ZNF28: variants seen among roughly 807,000 people sequenced by gnomAD.
ZNF28 encodes zinc finger protein 28.
ZNF28 carries 5 observed loss-of-function variants against 7.2 expected under a neutral mutation model. The ratio of observed to expected loss-of-function variants is 0.70; its 90% CI spans 0.36 to 1.46. The LOEUF is 1.46. Among genes scored for constraint, ZNF28 ranks in the 40% most tolerant of loss-of-function variants. The pLI, the probability that ZNF28 is intolerant of heterozygous loss-of-function variation, is 0.03. For synonymous variants in ZNF28, 288 were observed against 292.4 expected, an observed-to-expected ratio of 0.99 and a Z score of 0.15; for missense variants, 879 against 866.6, an observed-to-expected ratio of 1.01 and a Z score of -0.18.
chr19:52,799,448 T>A lies in ZNF28; in HGVS notation c.*240A>T. The A allele has an allele frequency of 2.5e-6, 2 of 799,384 alleles. No homozygotes were observed. The highest frequency in any genetic ancestry group is 4.1e-6 in the Non-Finnish European group (2 of 486,194). 49.5% of individuals were successfully genotyped at this position (799,384 alleles called of 1,614,324 possible). On this transcript the variant is annotated 3_prime_UTR_variant, in exon 4 of 4. Transcript: ENST00000457749. ...ATTCTTCCTATTTGTAAAGTTTCTC[T>A]GCAGTATGAATTCTATGATGACGTG...
intron 2 of ZNF28, among the ~76,000 whole-genome samples, chr19:52,813,485 G>A (rs2063082588): frequency 1.6e-5 from 2 of 121,234 alleles, no homozygotes; most frequent in Non-Finnish European, 3.3e-5. Context: ...GGCGGGGGTG[G>A]TAGGAGGTTT....
chr19:52,812,787 A>AAAAAAG (rs1462866089), intron 2 of ZNF28, among the ~76,000 whole-genome samples: 40 of 131,034 alleles, frequency 3.1e-4, no homozygotes, highest in African/African-American at 1.0e-3. Flanking sequence ...AAAAAAAAAA[A>AAAAAAG]GTTTTAAGTG....
chr19:52,814,039 A>C (rs1307317704), intron 2 of ZNF28, among the ~76,000 whole-genome samples: 1 of 146,426 alleles, frequency 6.8e-6, no homozygotes, highest in Non-Finnish European at 1.5e-5. Flanking sequence ...AAAAAAGAAA[A>C]AACTTTTTTA....
In ZNF28 at chr19:52,816,481, G is replaced by A. The variant is rs551491649; in HGVS notation, c.15+1463C>T. Among the ~76,000 whole-genome samples, 5 of 145,310 alleles carry A rather than the reference G, an allele frequency of 3.4e-5. 1 individual carries two copies. Among genetic ancestry groups the A allele is most frequent in the East Asian group, 2.0e-4 (1 of 4,938 alleles). ...AGATTGAGACCATCCTGGCTAACAC[G>A]GTGAAACCCCGTCTCTACTAAAAAC... On this transcript the variant is annotated intron_variant, in intron 2 of 3. Coordinates refer to ENST00000457749, the MANE Select transcript of ZNF28 (RefSeq NM_006969.5).
At chr19:52,802,853 C>T (rs1052424943) in intron 3 of ZNF28, among the ~76,000 whole-genome samples, 22 of 150,232 alleles carry the variant, frequency 1.5e-4, no homozygotes, top group Middle Eastern at 3.4e-3. Context: ...CTCCACCTCC[C>T]GGGTTCACGC....
At position 52,799,561 on chromosome 19, in the gene ZNF28, G is replaced by C; in HGVS notation, c.*127C>G. 6.6e-7 allele frequency: 1 copy of C among 1,505,972 alleles called. No individual in the cohort carries two copies. Among genetic ancestry groups the C allele is most frequent in the Admixed American group, 1.8e-5 (1 of 56,942 alleles). The allele number at this position is 1,505,972 out of a possible 1,614,324, so 93.3% of individuals were successfully genotyped here. ...GTATGAATGGCTTTGTGACTTACAA[G>C]GGTTGAATTGTGATGGAAGGTGTTG... On this transcript the variant is annotated 3_prime_UTR_variant, in exon 4 of 4. Transcript: ENST00000457749.
chr19:52,809,999 G>A (rs923351862), intron 2 of ZNF28: 2 of 764,468 alleles, frequency 2.6e-6, no homozygotes, highest in Non-Finnish European at 4.6e-6. Flanking sequence ...TGGAGCCTGA[G>A]GAGCTGCTGT....
chr19:52,815,794 C>T (rs1448937699), intron 2 of ZNF28, among the ~76,000 whole-genome samples: 3 of 146,128 alleles, frequency 2.1e-5, no homozygotes, highest in Non-Finnish European at 3.0e-5. Context: ...CACTGCACTC[C>T]AGCCTGGGCG....
chr19:52,818,057 T>C, intron 1 of ZNF28, 26 bp from the exon 2 acceptor site: 4 of 1,576,004 alleles, frequency 2.5e-6, no homozygotes, highest in Non-Finnish European at 3.5e-6. Flanking sequence ...ATGTTGTTTA[T>C]TGCTCAGAAT....
At chr19:52,815,100 T>TA (rs1175616363) in intron 2 of ZNF28, among the ~76,000 whole-genome samples, 1 of 79,582 alleles carries the variant, frequency 1.3e-5, no homozygotes, top group East Asian at 2.1e-4. Context: ...TATATATATA[T>TA]TTATATATAT....
intron 1 of ZNF28, among the ~76,000 whole-genome samples, chr19:52,820,238 C>G (rs1002404168): frequency 2.2e-5 from 3 of 138,258 alleles, no homozygotes; most frequent in African/African-American, 9.1e-5. Flanking sequence ...CTGCCTCAGC[C>G]TCCCGAGTAG....
intron 2 of ZNF28, chr19:52,809,946 G>A: frequency 1.2e-6 from 1 of 834,012 alleles, no homozygotes; most frequent in Non-Finnish European, 2.0e-6. Context: ...GGTTGCCCCG[G>A]GGGGCGCAGG....
intron 2 of ZNF28, among the ~76,000 whole-genome samples, chr19:52,812,478 G>T (rs969380685): frequency 1.6e-5 from 2 of 122,712 alleles, no homozygotes; most frequent in Non-Finnish European, 3.3e-5. Context: ...CCAACCCTGT[G>T]CTCTCTGAAA....
intron 3 of ZNF28, among the ~76,000 whole-genome samples, chr19:52,804,413 C>T (rs1477213238): frequency 8.1e-4 from 123 of 152,256 alleles, no homozygotes; most frequent in Non-Finnish European, 8.8e-4. Flanking sequence ...CTCTGTCTCC[C>T]GGTCTGGAGT....
At chr19:52,804,297 C>T (rs1378093753) in intron 3 of ZNF28, among the ~76,000 whole-genome samples, 1 of 152,048 alleles carries the variant, frequency 6.6e-6, no homozygotes, top group African/African-American at 2.4e-5. Context: ...AAGCAATTTC[C>T]TTTTTTGTTT....
intron 3 of ZNF28, chr19:52,805,643 A>AAAACAAATAAATAAATAAAT (rs2062927931): frequency 7.1e-6 from 1 of 140,302 alleles, no homozygotes; most frequent in Non-Finnish European, 1.5e-5. Flanking sequence ...AATAATAATA[A>AAAACAAATAAATAAATAAAT]AAATAAATAA....
chr19:52,799,264 A>G lies in ZNF28; in HGVS notation c.*424T>C. On this transcript the variant is annotated 3_prime_UTR_variant, in exon 4 of 4. Coordinates refer to ENST00000457749, the MANE Select transcript of ZNF28 (RefSeq NM_006969.5). ...CCAAAGGTGTTGCCACACTCATCAC[A>G]TTTGTAAGGTTTCTCTCCAGTTTGA... 3 of 422,564 alleles carry G rather than the reference A, an allele frequency of 7.1e-6. No individual in the cohort carries two copies. The highest frequency in any genetic ancestry group is 1.4e-5 in the Non-Finnish European group (3 of 221,524). 26.2% of individuals were successfully genotyped at this position (422,564 alleles called of 1,614,324 possible). A position where few individuals can be genotyped will look rare whatever the true frequency, so the allele number is the denominator to read the frequency against.
intron 2 of ZNF28, among the ~76,000 whole-genome samples, chr19:52,817,218 C>T (rs1164314215): frequency 1.3e-5 from 2 of 151,834 alleles, no homozygotes; most frequent in Non-Finnish European, 2.9e-5. Context: ...ACTAAAAATA[C>T]AAAATTAGCT....
intron 2 of ZNF28, among the ~76,000 whole-genome samples, chr19:52,812,770 A>T (rs1268425549): frequency 1.7e-5 from 2 of 119,500 alleles, no homozygotes; most frequent in African/African-American, 4.1e-5. Flanking sequence ...AATAAAAAAA[A>T]AAAAAAAAAA....
Sources: allele counts gnomAD v4.1 joint callset (sites outside exome capture counted in the v4.1 genomes callset), GRCh38; gene constraint gnomAD v4.1.1; transcripts MANE v1.5; gene names NCBI Gene and HGNC (gene_info 2026-07-23, HGNC 2026-07-21).